Variants in NEURL3 observed in about 807,000 individuals in gnomAD.
NEURL3 encodes the protein neuralized E3 ubiquitin protein ligase 3, also known as E3 ubiquitin-protein ligase NEURL3.
In NEURL3, 19 loss-of-function variants were observed where a neutral mutation model predicts 17.6. The ratio of observed to expected loss-of-function variants is 1.08; its 90% CI spans 0.75 to 1.58. The LOEUF is 1.58. NEURL3 is among the 40% of genes most tolerant of loss of function. The pLI is 0.00. For missense variants in NEURL3, 342 were observed against 379.6 expected, an observed-to-expected ratio of 0.90 and a Z score of 0.82; for synonymous variants, 180 against 161.4, an observed-to-expected ratio of 1.11 and a Z score of -0.87.
intron 1 of NEURL3, 158 bp from the exon 2 acceptor site, chr2:96,501,082 G>T: frequency 2.3e-6 from 1 of 434,460 alleles, no homozygotes; most frequent in Non-Finnish European, 3.1e-6. Context: ...GGGTTGTTAT[G>T]AAAACTATAG....
chr2:96,499,263 T>C, intron 3 of NEURL3, 115 bp downstream of exon 3: 2 of 1,477,972 alleles, frequency 1.4e-6, no homozygotes, highest in South Asian at 2.7e-5. Context: ...GCCAAATCTT[T>C]TGGCCCAAAG....
chr2:96,503,268 G>A (rs1378318983), intron 1 of NEURL3, among the ~76,000 whole-genome samples: 1 of 152,182 alleles, frequency 6.6e-6, no homozygotes, highest in Non-Finnish European at 1.5e-5. Context: ...TTGCCCTGGA[G>A]GATAATTTGA....
Position 96,500,799 on chromosome 2 carries a change from G to C in NEURL3, c.154C>G (p.Gln52Glu), listed in dbSNP as rs1011893385. The change falls in exon 2 of 4, where the codon CAG becomes GAG. Residue 52 changes from glutamine to glutamate, a missense_variant. Physicochemically the swap from Gln to Glu is conservative, Grantham distance 29. Coordinates refer to ENST00000451794, the MANE Select transcript of NEURL3 (RefSeq NM_001285485.2). ...TTFHDGIVFS[Q>E]RPVRLGERVA... is the part of the protein sequence containing the mutation. ...CGCTCGCCCAGGCGCACCGGCCGCT[G>C]GCTGAACACGATGCCGTCGTGGAAC... is the stretch of plus-strand genomic sequence containing the variant. 8.5e-6 allele frequency: 13 copies of C among 1,526,724 alleles called. No homozygotes were observed. In the Admixed American group the frequency reaches 2.0e-4, roughly 23 times the overall value. 94.6% of individuals were successfully genotyped at this position (1,526,724 alleles called of 1,614,324 possible). A position where few individuals can be genotyped will look rare whatever the true frequency, so the allele number is the denominator to read the frequency against.
At chr2:96,506,569 C>G (rs1220666987), upstream of NEURL3, among the ~76,000 whole-genome samples, 1 of 152,242 alleles carries the variant, frequency 6.6e-6, no homozygotes, top group African/African-American at 2.4e-5. Flanking sequence ...CCCTGACCCT[C>G]AACCTGTGGG....
chr2:96,499,540 C>G (rs924318591), intron 2 of NEURL3, 91 bp from the exon 3 acceptor site: 2 of 1,174,342 alleles, frequency 1.7e-6, no homozygotes, highest in Admixed American at 3.7e-5. Flanking sequence ...TGTCCGGTCT[C>G]CTTTCTTTCC....
intron 2 of NEURL3, 112 bp from the exon 3 acceptor site, chr2:96,499,561 T>C: frequency 2.2e-6 from 2 of 927,236 alleles, no homozygotes; most frequent in South Asian, 3.0e-5. Context: ...TGGGTTGCAA[T>C]GCTGAGCCCC....
chr2:96,506,513 C>A (rs1231593221), upstream of NEURL3, among the ~76,000 whole-genome samples: 2 of 152,222 alleles, frequency 1.3e-5, no homozygotes, highest in African/African-American at 2.4e-5. Flanking sequence ...CAAGTGGACC[C>A]CACTTTCGGG....
intron 2 of NEURL3, 104 bp from the exon 3 acceptor site, chr2:96,499,553 G>C (rs934425880): frequency 1.9e-6 from 2 of 1,050,044 alleles, no homozygotes; most frequent in Non-Finnish European, 2.8e-6. Context: ...TTCTTTCCTG[G>C]GTTGCAATGC....
At chr2:96,501,082 G>C (rs2065503383) in intron 1 of NEURL3, 158 bp from the exon 2 acceptor site, 2 of 434,342 alleles carry the variant, frequency 4.6e-6, no homozygotes, top group South Asian at 9.7e-5. Context: ...GGGTTGTTAT[G>C]AAAACTATAG....
chr2:96,505,314 C>T lies in NEURL3; in HGVS notation c.-28G>A, dbSNP rs2065552336. ...GTCTAAGGTCCTCGGGCACAGGTCC[C>T]CAGGTCTAGAAGGAACTGCCTGGAG... On this transcript the variant is annotated 5_prime_UTR_variant, in exon 1 of 4. Transcript: ENST00000451794. The T allele has an allele frequency of 3.8e-6, 6 of 1,598,910 alleles. No homozygotes were observed. Among genetic ancestry groups the T allele is most frequent in the African/African-American group, 1.3e-5 (1 of 74,928 alleles).
chr2:96,504,646 C>A (rs1005687761), intron 1 of NEURL3: 1 of 152,226 alleles, frequency 6.6e-6, no homozygotes, highest in African/African-American at 2.4e-5. Flanking sequence ...GAGGCCGAGG[C>A]GGGTGGATCA....
In NEURL3 at chr2:96,500,942, G is replaced by T. The variant is rs779363848; in HGVS notation, c.29-18C>A. The T allele has an allele frequency of 1.3e-6, 2 of 1,543,300 alleles. No individual in the cohort carries two copies. Among genetic ancestry groups the T allele is most frequent in the South Asian group, 2.4e-5 (2 of 82,880 alleles). On this transcript the variant is annotated intron_variant, in intron 1 of 3. Coordinates refer to ENST00000451794, the MANE Select transcript of NEURL3 (RefSeq NM_001285485.2). ...CTTGGCGTCTGTGGGTTGAGGATGG[G>T]GAGTGTCAGTGCTAACCGGGTCTGG...
At position 96,500,877 on chromosome 2, in the gene NEURL3, C is replaced by A; in HGVS notation, c.76G>T (p.Gly26Cys). ...EALRFHAEAKGAQVRLDTRGC... is the reference protein window; with the variant it reads ...EALRFHAEAKCAQVRLDTRGC... Reference sequence around the variant, plus strand: ...CGCGTGTCCAGACGCACCTGTGCGCCCTTGGCCTCGGCATGGAAGCGAAGT... The same window carrying A: ...CGCGTGTCCAGACGCACCTGTGCGCACTTGGCCTCGGCATGGAAGCGAAGT... Residue 26 changes from glycine (G) to cysteine (C), a missense_variant, in exon 2 of 4, where the codon GGC becomes TGC. Transcript: ENST00000451794. The A allele has an allele frequency of 6.4e-7, 1 of 1,550,464 alleles. No individual in the cohort carries two copies.
chr2:96,498,370 G>C lies in NEURL3; in HGVS notation c.663C>G (p.Tyr221Ter). Residue 221 changes from tyrosine (Y) to a stop codon, truncating the protein, a stop_gained, in exon 4 of 4, where the codon TAC (tyrosine) becomes TAG (stop). Transcript: ENST00000451794. LOFTEE classifies it low-confidence loss of function (END_TRUNC). The surrounding 1 kb of genome is among the most constrained non-coding windows in gnomAD (Gnocchi z 4.4). ...CCCGCCAGGCACAGTATCTGCAGAAGTATGTGTGGCCGCAGGGCACAAGGC... is the reference window on the plus strand; with the variant it reads ...CCCGCCAGGCACAGTATCTGCAGAACTATGTGTGGCCGCAGGGCACAAGGC... The part of the protein sequence containing the change: ...NTRLVPCGHT[Y>*]FCRYCAWRVF... The C allele has an allele frequency of 6.3e-7, 1 of 1,599,502 alleles. No homozygotes were observed. Among genetic ancestry groups the C allele is most frequent in the Non-Finnish European group, 8.5e-7 (1 of 1,179,798 alleles).
intron 2 of NEURL3, among the ~76,000 whole-genome samples, chr2:96,499,686 C>G (rs1174460495): frequency 1.3e-5 from 2 of 152,136 alleles, no homozygotes; most frequent in African/African-American, 4.8e-5. Context: ...TTCCTTCAGG[C>G]CCCTCTTCTT....
intron 1 of NEURL3, among the ~76,000 whole-genome samples, chr2:96,504,284 G>GA (rs397749897): frequency 1.3e-5 from 2 of 151,998 alleles, no homozygotes; most frequent in South Asian, 4.2e-4. Flanking sequence ...CCGCCTCGGG[G>GA]AAGCCCTCAG....
Position 96,497,991 on chromosome 2 carries a change from T to G in NEURL3, c.*253A>C, listed in dbSNP as rs2104600647. 2.0e-6 allele frequency: 1 copy of G among 501,928 alleles called. No individual in the cohort carries two copies. Among genetic ancestry groups the G allele is most frequent in the African/African-American group, 1.9e-5 (1 of 51,556 alleles). 31.1% of individuals were successfully genotyped at this position (501,928 alleles called of 1,614,324 possible). A position where few individuals can be genotyped will look rare whatever the true frequency, so the allele number is the denominator to read the frequency against. On this transcript the variant is annotated 3_prime_UTR_variant, in exon 4 of 4. Coordinates refer to ENST00000451794, the MANE Select transcript of NEURL3 (RefSeq NM_001285485.2). ...TGATTGGGGATTGGGCCACCCCATC[T>G]CTAAACAAAGCACCCCATCAGAAGG... is the stretch of plus-strand genomic sequence containing the variant.
upstream of NEURL3, among the ~76,000 whole-genome samples, chr2:96,506,393 C>T (rs1198021501): frequency 6.6e-6 from 1 of 152,192 alleles, no homozygotes; most frequent in Non-Finnish European, 1.5e-5. Flanking sequence ...ATTGTGAAGA[C>T]AGGTCTAGCT....
At chr2:96,501,703 G>A (rs931911158) in intron 1 of NEURL3, among the ~76,000 whole-genome samples, 1 of 152,114 alleles carries the variant, frequency 6.6e-6, no homozygotes, top group Non-Finnish European at 1.5e-5. Context: ...GAAGGGGAAA[G>A]CACCTCACTG....
Sources: allele counts gnomAD v4.1 joint callset (sites outside exome capture counted in the v4.1 genomes callset), GRCh38; gene constraint gnomAD v4.1.1; non-coding constraint Gnocchi (gnomAD v3.1); transcripts MANE v1.5; gene names NCBI Gene and HGNC (gene_info 2026-07-23, HGNC 2026-07-21).